The following TRAPPC9 variants were observed in gnomAD, a reference collection of about 807,000 sequenced individuals.
TRAPPC9 encodes the protein trafficking protein particle complex subunit 9, also known as IKK2 binding protein.
Under a neutral mutation model 124.0 loss-of-function variants are expected in TRAPPC9, and 83 were observed. The observed-to-expected ratio is 0.67, with a 90% confidence interval of 0.56 to 0.80. The LOEUF is 0.80. TRAPPC9 is among the 30% of genes least tolerant of loss of function. The pLI is 0.00. For synonymous variants in TRAPPC9, 638 were observed against 617.5 expected (o/e 1.03, Z -0.49); for missense variants, 1,302 against 1,508.3 (o/e 0.86, Z 2.27).
At chr8:140,210,267 C>T (rs1338239457) in intron 17 of TRAPPC9, among the ~76,000 whole-genome samples, 2 of 152,224 alleles carry the variant, frequency 1.3e-5, no homozygotes, top group Non-Finnish European at 2.9e-5. Flanking sequence ...AGCAGGGCCA[C>T]GCCGCTGTCT....
At chr8:140,079,554 C>A (rs1272498908) in intron 17 of TRAPPC9, among the ~76,000 whole-genome samples, 1 of 152,194 alleles carries the variant, frequency 6.6e-6, no homozygotes, top group Non-Finnish European at 1.5e-5. Flanking sequence ...GCTCTCCCTA[C>A]ACCCAAGGAC....
chr8:139,851,570 C>T (rs553220902), intron 21 of TRAPPC9, among the ~76,000 whole-genome samples: 118 of 152,244 alleles, frequency 7.8e-4, no homozygotes, highest in Non-Finnish European at 1.4e-3. Flanking sequence ...GAACTCTGGT[C>T]TCCAGAGGAA....
chr8:140,284,738 A>G (rs2065435643), intron 13 of TRAPPC9, among the ~76,000 whole-genome samples: 1 of 152,206 alleles, frequency 6.6e-6, no homozygotes, highest in South Asian at 2.1e-4. Flanking sequence ...AAACTATTCC[A>G]TACTAAAAGG....
chr8:139,745,589 G>C (rs1468476223), intron 21 of TRAPPC9, among the ~76,000 whole-genome samples: 1 of 152,216 alleles, frequency 6.6e-6, no homozygotes, highest in East Asian at 1.9e-4. Flanking sequence ...ACACAGGCCA[G>C]GTCGTCCTAG....
Position 139,766,831 on chromosome 8 carries a change from C to T in TRAPPC9, c.3056-34629G>A, listed in dbSNP as rs148449326. Among the ~76,000 whole-genome samples, 851 of 152,390 alleles carry T rather than the reference C, an allele frequency of 5.6e-3. 8 individuals are homozygous for T. The highest frequency in any genetic ancestry group is 0.024 in the Middle Eastern group (7 of 294). On this transcript the variant is annotated intron_variant, in intron 21 of 22. Coordinates refer to ENST00000438773, the MANE Select transcript of TRAPPC9 (RefSeq NM_001160372.4). The stretch of plus-strand genomic sequence containing the variant: ...ACACTTTCTTCAAGGCCCAAGCCAA[C>T]GGAATGTCACATCCTTTGGGAATCA...
intron 17 of TRAPPC9, among the ~76,000 whole-genome samples, chr8:140,190,066 GCGCCTGTTGAC>G (rs1235207658): frequency 1.3e-5 from 2 of 152,216 alleles, no homozygotes; most frequent in African/African-American, 4.8e-5. Context: ...AAGCTAACAA[GCGCCTGTTGAC>G]CACTGTCCTA....
Position 139,926,490 on chromosome 8 carries a change from CA to C in TRAPPC9, c.2811-16191del, listed in dbSNP as rs557639328. Among the ~76,000 whole-genome samples, 430 of 148,636 alleles carry C rather than the reference CA, an allele frequency of 2.9e-3. 3 individuals are homozygous for C. Among genetic ancestry groups the C allele is most frequent in the African/African-American group, 9.1e-3 (366 of 40,218 alleles). On this transcript the variant is annotated intron_variant, in intron 19 of 22. Coordinates refer to ENST00000438773, the MANE Select transcript of TRAPPC9 (RefSeq NM_001160372.4). ...AGCCGCTATAACCAGACTCCCGTGA[CA>C]AAAGAAAACACATTCAAAATGAAGT...
chr8:140,153,815 A>G (rs1286845317), intron 17 of TRAPPC9, among the ~76,000 whole-genome samples: 2 of 152,194 alleles, frequency 1.3e-5, no homozygotes, highest in Non-Finnish European at 2.9e-5. Context: ...ACAGGGTATC[A>G]AAGATTCTCC....
chr8:140,194,168 G>A (rs1374183601), intron 17 of TRAPPC9, among the ~76,000 whole-genome samples: 2 of 152,062 alleles, frequency 1.3e-5, no homozygotes, highest in African/African-American at 4.8e-5. Flanking sequence ...GTATGGCAAA[G>A]GCCCCTGTCT....
chr8:139,862,837 C>G (rs1250574142), intron 21 of TRAPPC9, among the ~76,000 whole-genome samples: 4 of 152,232 alleles, frequency 2.6e-5, no homozygotes, highest in African/African-American at 7.2e-5. Flanking sequence ...GCACTGCATT[C>G]CCCCTGGGTG....
intron 10 of TRAPPC9, among the ~76,000 whole-genome samples, chr8:140,308,880 CAA>C (rs148819407): frequency 3.8e-5 from 5 of 130,670 alleles, no homozygotes; most frequent in Admixed American, 7.8e-5. Context: ...GATTACAACT[CAA>C]AAAAAAAAAA....
At position 139,832,094 on chromosome 8, in the gene TRAPPC9, CTG is replaced by C. The variant is rs1415516363; in HGVS notation, c.3055+53783_3055+53784del. ...AGGCGTCCCCTGCCAGTAACCAGCT[CTG>C]AGAGGGTGAGGGCAGGGGCCACCTC... On this transcript the variant is annotated intron_variant, in intron 21 of 22. Transcript: ENST00000438773. Among the ~76,000 whole-genome samples, 161 of 152,322 alleles carry C rather than the reference CTG, an allele frequency of 1.1e-3. 1 individual carries two copies. Among genetic ancestry groups the C allele is most frequent in the African/African-American group, 3.7e-3 (154 of 41,566 alleles).
At chr8:140,332,500 T>C (rs1384351327) in intron 9 of TRAPPC9, among the ~76,000 whole-genome samples, 1 of 152,168 alleles carries the variant, frequency 6.6e-6, no homozygotes, top group Non-Finnish European at 1.5e-5. Context: ...AAATGATAAA[T>C]GTTTGAAGAT....
chr8:139,875,974 G>A (rs572303106), intron 21 of TRAPPC9, among the ~76,000 whole-genome samples: 2 of 152,378 alleles, frequency 1.3e-5, no homozygotes, highest in South Asian at 4.1e-4. Context: ...GGCACCCACT[G>A]CCACCATCGG....
At chr8:140,455,722 C>T (rs1187799517) in intron 1 of TRAPPC9, among the ~76,000 whole-genome samples, 1 of 152,154 alleles carries the variant, frequency 6.6e-6, no homozygotes, top group African/African-American at 2.4e-5. Context: ...AGCCACCATG[C>T]CTGGCCAGGC....
At chr8:140,169,473 T>G (rs1362706861) in intron 17 of TRAPPC9, among the ~76,000 whole-genome samples, 1 of 152,022 alleles carries the variant, frequency 6.6e-6, no homozygotes. Context: ...AGCAAATACA[T>G]GCACACACAT....
intron 9 of TRAPPC9, among the ~76,000 whole-genome samples, chr8:140,334,378 G>A (rs1219803104): frequency 6.6e-6 from 1 of 151,778 alleles, no homozygotes; most frequent in East Asian, 1.9e-4. Flanking sequence ...GGCTCGGCAA[G>A]GTGGCTCACG....
At chr8:140,130,325 C>T (rs982216553) in intron 17 of TRAPPC9, among the ~76,000 whole-genome samples, 8 of 152,112 alleles carry the variant, frequency 5.3e-5, no homozygotes, top group African/African-American at 1.4e-4. Flanking sequence ...GTGGAGAGGC[C>T]GGGCAGACAC....
At chr8:140,254,621 C>T (rs1392248352) in intron 15 of TRAPPC9, among the ~76,000 whole-genome samples, 1 of 152,226 alleles carries the variant, frequency 6.6e-6, no homozygotes, top group Admixed American at 6.5e-5. Flanking sequence ...AAGGGCCCAG[C>T]TTCCAGGCTC....
Sources: gnomAD v4.1 joint callset for allele counts (sites outside exome capture counted in the v4.1 genomes callset) on GRCh38, gnomAD v4.1.1 for gene constraint, MANE v1.5 for transcripts, NCBI Gene and HGNC (gene_info 2026-07-23, HGNC 2026-07-21) for gene names.